COL23A1: variants seen among roughly 807,000 people sequenced by gnomAD.
The protein encoded by COL23A1 is collagen alpha-1(XXIII) chain.
Under a neutral mutation model 99.3 loss-of-function variants are expected in COL23A1, and 97 were observed. That is an observed-to-expected ratio of 0.98 (90% confidence interval 0.83 to 1.16). COL23A1 has a LOEUF of 1.16. COL23A1 is among the 50% of genes most tolerant of loss of function. The pLI is 0.00. For synonymous variants in COL23A1, 320 were observed against 308.2 expected (o/e 1.04, Z -0.40); for missense variants, 762 against 757.4 (o/e 1.01, Z -0.07).
At chr5:178,323,437 G>T (rs1222269913) in intron 2 of COL23A1, among the ~76,000 whole-genome samples, 1 of 152,132 alleles carries the variant, frequency 6.6e-6, no homozygotes, top group Non-Finnish European at 1.5e-5. Context: ...GCTATAGTGT[G>T]GTCAGAGAGT....
chr5:178,452,420 CT>C (rs1361377736), intron 2 of COL23A1, among the ~76,000 whole-genome samples: 2 of 152,130 alleles, frequency 1.3e-5, no homozygotes, highest in African/African-American at 4.8e-5. Context: ...GGAGAAAAAG[CT>C]TTTGGAAGTT....
At chr5:178,484,565 T>C (rs895482693) in intron 2 of COL23A1, among the ~76,000 whole-genome samples, 2 of 152,044 alleles carry the variant, frequency 1.3e-5, no homozygotes, top group African/African-American at 2.4e-5. Context: ...GGCTCACGCC[T>C]GTAATCCCAG....
At chr5:178,565,645 A>G (rs939185486) in intron 1 of COL23A1, among the ~76,000 whole-genome samples, 1 of 152,130 alleles carries the variant, frequency 6.6e-6, no homozygotes, top group African/African-American at 2.4e-5. Flanking sequence ...TATCTTATCT[A>G]TTCCTCCTGA....
intron 2 of COL23A1, among the ~76,000 whole-genome samples, chr5:178,331,567 AG>A (rs1403830564): frequency 6.6e-6 from 1 of 152,228 alleles, no homozygotes; most frequent in Non-Finnish European, 1.5e-5. Flanking sequence ...CCCTCGGGGC[AG>A]GGTGCGGAGC....
At chr5:178,321,480 C>CTTTTTTTTTTTT (rs570803192) in intron 2 of COL23A1, among the ~76,000 whole-genome samples, 3 of 109,040 alleles carry the variant, frequency 2.8e-5, no homozygotes, top group African/African-American at 1.2e-4. Flanking sequence ...GTCACCTTCC[C>CTTTTTTTTTTTT]TTTTTTTTTT....
chr5:178,469,338 G>A (rs527396789), intron 2 of COL23A1, among the ~76,000 whole-genome samples: 32 of 152,226 alleles, frequency 2.1e-4, no homozygotes, highest in African/African-American at 7.5e-4. Context: ...CAGTGAGCAG[G>A]CTCCTGCGGC....
intron 2 of COL23A1, among the ~76,000 whole-genome samples, chr5:178,440,271 C>T (rs183670654): frequency 1.9e-3 from 284 of 152,274 alleles, no homozygotes; most frequent in Admixed American, 4.3e-3. Context: ...TTTGCCTTTC[C>T]GGGACCAACT....
intron 2 of COL23A1, among the ~76,000 whole-genome samples, chr5:178,554,257 C>A (rs1762154820): frequency 6.6e-6 from 1 of 152,098 alleles, no homozygotes; most frequent in South Asian, 2.1e-4. Context: ...TGGCTCACTG[C>A]AACCTCTGCC....
chr5:178,249,716 A>ACACACTCACTCTCT, intron 18 of COL23A1, among the ~76,000 whole-genome samples: 84 of 92,804 alleles, frequency 9.1e-4, no homozygotes, highest in East Asian at 1.7e-3. Context: ...ACACACACAC[A>ACACACTCACTCTCT]CTCTCTCTCT....
At chr5:178,559,257 G>T (rs1188660110) in intron 2 of COL23A1, among the ~76,000 whole-genome samples, 1 of 152,182 alleles carries the variant, frequency 6.6e-6, no homozygotes, top group Non-Finnish European at 1.5e-5. Context: ...ATATACCTTT[G>T]CAGAAATCTC....
At chr5:178,354,950 C>T (rs550813277) in intron 2 of COL23A1, among the ~76,000 whole-genome samples, 10 of 151,502 alleles carry the variant, frequency 6.6e-5, no homozygotes, top group East Asian at 5.8e-4. Flanking sequence ...CCCAGCTACT[C>T]GGGAGGCTGA....
intron 2 of COL23A1, among the ~76,000 whole-genome samples, chr5:178,506,663 G>A (rs1283599164): frequency 6.6e-6 from 1 of 152,202 alleles, no homozygotes; most frequent in East Asian, 1.9e-4. Context: ...TCTCACTAAT[G>A]ACGACAAGAT....
At chr5:178,240,659 C>T (rs957353419) in intron 27 of COL23A1, among the ~76,000 whole-genome samples, 2 of 152,344 alleles carry the variant, frequency 1.3e-5, no homozygotes, top group Middle Eastern at 3.4e-3. Flanking sequence ...CTGACCACTT[C>T]GCTCTTCAAG....
intron 26 of COL23A1, 91 bp from the exon 27 acceptor site, chr5:178,242,219 T>C: frequency 1.4e-6 from 2 of 1,443,072 alleles, no homozygotes; most frequent in Non-Finnish European, 9.5e-7. Context: ...GGGGCCAGCC[T>C]CCCCCTGCCT....
chr5:178,444,789 T>A (rs935815186), intron 2 of COL23A1, among the ~76,000 whole-genome samples: 6 of 152,098 alleles, frequency 3.9e-5, no homozygotes, highest in Admixed American at 2.6e-4. Context: ...GAGTGAGACT[T>A]TTTGTGAAAA....
At chr5:178,584,747 G>T (rs1763835342) in intron 1 of COL23A1, among the ~76,000 whole-genome samples, 1 of 152,168 alleles carries the variant, frequency 6.6e-6, no homozygotes, top group Admixed American at 6.5e-5. Flanking sequence ...AGGATAGTAG[G>T]GGGTAACAGA....
At chr5:178,528,331 C>T (rs962418058) in intron 2 of COL23A1, among the ~76,000 whole-genome samples, 4 of 152,296 alleles carry the variant, frequency 2.6e-5, no homozygotes, top group African/African-American at 9.6e-5. Context: ...CTGCTGTCTC[C>T]GCTGCCCCCT....
chr5:178,358,248 G>GTATGTGTGTGTA lies in COL23A1; in HGVS notation c.362-51330_362-51329insTACACACACATA, dbSNP rs796141502. 2.2e-4 allele frequency among the ~76,000 whole-genome samples: 28 copies of GTATGTGTGTGTA among 125,722 alleles called. 1 individual carries two copies. Among genetic ancestry groups the GTATGTGTGTGTA allele is most frequent in the African/African-American group, 7.4e-4 (26 of 34,946 alleles). 82.5% of individuals were successfully genotyped at this position (125,722 alleles called of 152,430 possible). A position where few individuals can be genotyped will look rare whatever the true frequency, so the allele number is the denominator to read the frequency against. ...AATGTGTGTATGTGTGTATGTGTAT[G>GTATGTGTGTGTA]TGTGTGTATGTATATGTGTGTATAT... On this transcript the variant is annotated intron_variant, in intron 2 of 28. Transcript: ENST00000390654.
chr5:178,269,543 C>T (rs200137434), intron 6 of COL23A1, among the ~76,000 whole-genome samples: 1 of 135,050 alleles, frequency 7.4e-6, no homozygotes, highest in Non-Finnish European at 1.6e-5. Flanking sequence ...ATCTATCCAC[C>T]CATCCATCAT....
Sources: allele counts gnomAD v4.1 joint callset (sites outside exome capture counted in the v4.1 genomes callset), GRCh38; gene constraint gnomAD v4.1.1; transcripts MANE v1.5; gene names NCBI Gene and HGNC (gene_info 2026-07-23, HGNC 2026-07-21).